Variants in ZFAND3 observed in about 807,000 individuals in gnomAD.
ZFAND3 encodes zinc finger AN1-type containing 3, also known as AN1-type zinc finger protein 3.
A neutral mutation model predicts 29.6 loss-of-function variants in ZFAND3; 10 were observed. The ratio of observed to expected loss-of-function variants is 0.34; its 90% CI spans 0.21 to 0.57. The LOEUF (loss-of-function observed/expected upper bound fraction) is 0.57. ZFAND3 is among the 20% of genes least tolerant of loss of function. The pLI is 0.86. For missense variants in ZFAND3, 230 were observed against 304.5 expected (o/e 0.76, Z 1.82); for synonymous variants, 128 against 112.6 (o/e 1.14, Z -0.87).
chr6:38,049,612 A>C (rs769039733), intron 2 of ZFAND3, among the ~76,000 whole-genome samples: 3 of 152,186 alleles, frequency 2.0e-5, no homozygotes, highest in Non-Finnish European at 4.4e-5. Flanking sequence ...ATGGAGATAG[A>C]TACCTTTTAG....
chr6:37,896,236 AT>A (rs536891282), intron 1 of ZFAND3, among the ~76,000 whole-genome samples: 1 of 151,390 alleles, frequency 6.6e-6, no homozygotes, highest in Non-Finnish European at 1.5e-5. Context: ...GTTGCCTTTG[AT>A]TTTTTTTGTT....
chr6:37,874,305 C>T lies in ZFAND3; in HGVS notation c.71+54289C>T, dbSNP rs758409271. Reference sequence around the variant, plus strand: ...CCAAAGCAGGCGGATCACCTGAGGTCGGGAGTTCGAGAACAGCCTGATCAA... The same window carrying T: ...CCAAAGCAGGCGGATCACCTGAGGTTGGGAGTTCGAGAACAGCCTGATCAA... On this transcript the variant is annotated intron_variant, in intron 1 of 5. Transcript: ENST00000287218. Among the ~76,000 whole-genome samples, 33 of 152,072 alleles carry T rather than the reference C, an allele frequency of 2.2e-4. 1 individual carries two copies. The highest frequency in any genetic ancestry group is 5.8e-4 in the African/African-American group (24 of 41,386).
intron 2 of ZFAND3, among the ~76,000 whole-genome samples, chr6:37,956,370 G>C (rs1762086538): frequency 6.6e-6 from 1 of 152,158 alleles, no homozygotes; most frequent in African/African-American, 2.4e-5. Flanking sequence ...ATGACACTTT[G>C]AGAACCAGTG....
intron 1 of ZFAND3, among the ~76,000 whole-genome samples, chr6:37,895,757 C>A (rs967922850): frequency 4.6e-5 from 7 of 151,954 alleles, no homozygotes; most frequent in African/African-American, 1.7e-4. Flanking sequence ...TTTTTGTATT[C>A]TTGTAAATAT....
chr6:38,097,574 C>G (rs890227809), intron 4 of ZFAND3, among the ~76,000 whole-genome samples: 2 of 152,166 alleles, frequency 1.3e-5, no homozygotes, highest in Non-Finnish European at 2.9e-5. Context: ...TTTGCCTAGA[C>G]AGATCATCCA....
At chr6:37,999,609 G>A (rs1762909937) in intron 2 of ZFAND3, among the ~76,000 whole-genome samples, 1 of 152,182 alleles carries the variant, frequency 6.6e-6, no homozygotes, top group South Asian at 2.1e-4. Context: ...GTTTAACCAT[G>A]AGAAAAATCA....
At chr6:37,835,467 T>G (rs1291488046) in intron 1 of ZFAND3, among the ~76,000 whole-genome samples, 1 of 149,712 alleles carries the variant, frequency 6.7e-6, no homozygotes, top group Admixed American at 6.7e-5. Context: ...TGTAAGAGTT[T>G]TTTTTTTTTT....
At chr6:38,072,127 A>G (rs976435825) in intron 3 of ZFAND3, among the ~76,000 whole-genome samples, 10 of 112,816 alleles carry the variant, frequency 8.9e-5, no homozygotes, top group African/African-American at 3.0e-4. Flanking sequence ...AATGAGAGTC[A>G]TTTTCTGTTT....
intron 3 of ZFAND3, among the ~76,000 whole-genome samples, chr6:38,082,072 C>T (rs1764673712): frequency 6.6e-6 from 1 of 151,846 alleles, no homozygotes; most frequent in South Asian, 2.1e-4. Flanking sequence ...GGGTAATTTC[C>T]TCTCACCCAG....
chr6:38,080,512 A>C (rs1237578485), intron 3 of ZFAND3, among the ~76,000 whole-genome samples: 1 of 152,114 alleles, frequency 6.6e-6, no homozygotes, highest in Non-Finnish European at 1.5e-5. Context: ...GGTTTATGAC[A>C]TCTTTCTGTA....
At chr6:37,858,414 CCGAAAGGTTAGA>C (rs1266075876) in intron 1 of ZFAND3, among the ~76,000 whole-genome samples, 2 of 152,040 alleles carry the variant, frequency 1.3e-5, no homozygotes. Context: ...GCTTGACGTG[CCGAAAGGTTAGA>C]ATAAGATTGA....
chr6:38,132,774 T>C (rs1057270565), intron 5 of ZFAND3, among the ~76,000 whole-genome samples: 12 of 152,118 alleles, frequency 7.9e-5, no homozygotes, highest in Admixed American at 7.9e-4. Flanking sequence ...ATGTATGGCA[T>C]CTCCTGTTGC....
rs2127477196 is a variant in ZFAND3 at position 38,099,365 on chromosome 6, ATATATG to A, written c.361+16913_361+16918del. On this transcript the variant is annotated intron_variant, in intron 4 of 5. Coordinates refer to ENST00000287218, the MANE Select transcript of ZFAND3 (RefSeq NM_021943.3). ...GGGTTCAGTTAACCAGCCTCCCACTATATATGTATAATTATTTCTAGTGCATACACA... is the reference window on the plus strand; with the variant it reads ...GGGTTCAGTTAACCAGCCTCCCACTATATAATTATTTCTAGTGCATACACA... 1.3e-5 allele frequency among the ~76,000 whole-genome samples: 2 copies of A among 152,238 alleles called. 1 individual carries two copies. Among genetic ancestry groups the A allele is most frequent in the South Asian group, 4.2e-4 (2 of 4,818 alleles).
rs997380400 is a variant in ZFAND3, at chr6:38,154,375, G to GGGC, written c.*1988_*1989insCGG. On this transcript the variant is annotated 3_prime_UTR_variant, in exon 6 of 6. Coordinates refer to ENST00000287218, the MANE Select transcript of ZFAND3 (RefSeq NM_021943.3). ...ATGTTCGCTTCCTGACTTAGAGCTG[G>GGGC]GGGGGGTGGGGGGTGGGGCTTGTTC... 4.8e-6 allele frequency: 4 copies of GGGC among 833,150 alleles called. No individual in the cohort carries two copies. The African/African-American group carries it at 5.6e-5, about 12-fold the overall frequency. The allele number at this position is 833,150 out of a possible 1,614,324, so 51.6% of individuals were successfully genotyped here.
chr6:37,827,492 A>G (rs1763781168), intron 1 of ZFAND3, among the ~76,000 whole-genome samples: 2 of 152,128 alleles, frequency 1.3e-5, no homozygotes, highest in African/African-American at 4.8e-5. Context: ...TGTAAATCTC[A>G]TGGCAGCTTT....
At chr6:38,055,112 A>G (rs567624952) in intron 2 of ZFAND3, among the ~76,000 whole-genome samples, 25 of 152,252 alleles carry the variant, frequency 1.6e-4, no homozygotes, top group African/African-American at 6.0e-4. Flanking sequence ...CCTTATATGA[A>G]CCAAACTCTT....
intron 2 of ZFAND3, among the ~76,000 whole-genome samples, chr6:37,984,160 G>A (rs1762626650): frequency 6.6e-6 from 1 of 152,174 alleles, no homozygotes; most frequent in African/African-American, 2.4e-5. Context: ...CTTCCATAAT[G>A]TGTCTTATAT....
intron 1 of ZFAND3, among the ~76,000 whole-genome samples, chr6:37,908,551 A>G (rs6903312): frequency 7.9e-5 from 9 of 114,250 alleles, no homozygotes; most frequent in East Asian, 6.3e-4. Flanking sequence ...TTAAAAAAAA[A>G]AAAAAAAAGA....
chr6:38,014,202 G>C (rs1169801776), intron 2 of ZFAND3, among the ~76,000 whole-genome samples: 3 of 152,074 alleles, frequency 2.0e-5, no homozygotes, highest in African/African-American at 7.2e-5. Flanking sequence ...CAACTTTTTT[G>C]TAAGTTTGTA....
Sources: gnomAD v4.1 joint callset for allele counts (sites outside exome capture counted in the v4.1 genomes callset) on GRCh38, gnomAD v4.1.1 for gene constraint, MANE v1.5 for transcripts, NCBI Gene and HGNC (gene_info 2026-07-23, HGNC 2026-07-21) for gene names.